The following VPS53 variants were observed in gnomAD, a reference collection of about 807,000 sequenced individuals.
The protein encoded by VPS53 is VPS53 subunit of GARP complex.
In VPS53, 70 loss-of-function variants were observed where a neutral mutation model predicts 107.0. The ratio of observed to expected loss-of-function variants is 0.65; its 90% CI spans 0.54 to 0.80. The LOEUF (loss-of-function observed/expected upper bound fraction) is 0.80. Ranked by LOEUF, VPS53 falls within the 30% of genes least tolerant of loss-of-function variation. The pLI is 0.00. For synonymous variants in VPS53, 409 were observed against 393.3 expected (o/e 1.04, Z -0.47); for missense variants, 917 against 1,049.4 (o/e 0.87, Z 1.74).
At chr17:709,217 G>C (rs1316353008) in intron 2 of VPS53, among the ~76,000 whole-genome samples, 4 of 125,698 alleles carry the variant, frequency 3.2e-5, no homozygotes, top group Non-Finnish European at 7.8e-5. Context: ...CTGGTATCAC[G>C]GCGCAGCACG....
At chr17:530,599 CT>C (rs1310031641) in intron 19 of VPS53, among the ~76,000 whole-genome samples, 5 of 151,744 alleles carry the variant, frequency 3.3e-5, no homozygotes, top group Non-Finnish European at 4.4e-5. Context: ...TATTTTTTGC[CT>C]TGTTGTCCTA....
rs377527856 is a variant in VPS53 at position 562,675 on chromosome 17, C to T, written c.1384G>A (p.Asp462Asn). Residue 462 changes from aspartate to asparagine, a missense_variant, in exon 14 of 22, where the codon GAT becomes AAT. Coordinates refer to ENST00000437048, the MANE Select transcript of VPS53 (RefSeq NM_001128159.3). ...KAQGPPKPNT[D>N]EGGAVLPSCA... ...CTGGGGAGCACGGCACCCCCTTCAT[C>T]AGTGTTGGGCTTAGGTGGCCCCTGG... 416 of 1,613,674 alleles carry T rather than the reference C, an allele frequency of 2.6e-4. No homozygotes were observed. The highest frequency in any genetic ancestry group is 3.3e-4 in the Non-Finnish European group (392 of 1,179,964).
At chr17:604,556 A>T (rs1385275298) in intron 11 of VPS53, among the ~76,000 whole-genome samples, 1 of 152,186 alleles carries the variant, frequency 6.6e-6, no homozygotes, top group African/African-American at 2.4e-5. Context: ...GCATGGGCCA[A>T]CCTCAGCCTC....
At position 652,352 on chromosome 17, in the gene VPS53, T is replaced by C. The variant is rs1970986816; in HGVS notation, c.608+939A>G. 2.0e-5 allele frequency among the ~76,000 whole-genome samples: 3 copies of C among 152,178 alleles called. 1 individual carries two copies. In the South Asian group the frequency reaches 6.2e-4, roughly 32 times the overall value. ...GCAATCTATCCCATCCCACATGCTT[T>C]TTGTAACAATGTGACTTTGACATTC... is the stretch of plus-strand genomic sequence containing the variant. On this transcript the variant is annotated intron_variant, in intron 7 of 21. Coordinates refer to ENST00000437048, the MANE Select transcript of VPS53 (RefSeq NM_001128159.3).
chr17:689,993 A>G (rs1972723774), intron 4 of VPS53, among the ~76,000 whole-genome samples: 1 of 152,142 alleles, frequency 6.6e-6, no homozygotes, highest in African/African-American at 2.4e-5. Flanking sequence ...ACACACACAG[A>G]CAGGTAGAAA....
intron 13 of VPS53, among the ~76,000 whole-genome samples, chr17:578,733 C>G (rs1273056712): frequency 6.6e-6 from 1 of 151,762 alleles, no homozygotes; most frequent in Non-Finnish European, 1.5e-5. Flanking sequence ...TACCAGAGAA[C>G]CTCCCTCAGA....
chr17:627,553 A>C (rs576191692), intron 9 of VPS53, among the ~76,000 whole-genome samples: 1 of 152,312 alleles, frequency 6.6e-6, no homozygotes, highest in African/African-American at 2.4e-5. Flanking sequence ...CGAGGTCAGC[A>C]GATCACCTGA....
chr17:628,326 C>CCG, intron 8 of VPS53, 95 bp from the exon 9 acceptor site: 1 of 1,430,712 alleles, frequency 7.0e-7, no homozygotes, highest in Admixed American at 2.2e-5. Flanking sequence ...TACGCATTGT[C>CCG]AGTCTTACTC....
At chr17:525,144 G>GA in intron 19 of VPS53, among the ~76,000 whole-genome samples, 6 of 152,274 alleles carry the variant, frequency 3.9e-5, no homozygotes, top group Admixed American at 3.9e-4. Context: ...ATAAATCTCA[G>GA]AAAATAGTAA....
chr17:590,924 T>C (rs923611554), intron 12 of VPS53, among the ~76,000 whole-genome samples: 2 of 152,082 alleles, frequency 1.3e-5, no homozygotes, highest in Non-Finnish European at 2.9e-5. Flanking sequence ...CCTCTTTTTC[T>C]ATTGATTGGA....
At chr17:663,232 C>A (rs993738952) in intron 4 of VPS53, among the ~76,000 whole-genome samples, 1 of 152,072 alleles carries the variant, frequency 6.6e-6, no homozygotes, top group Non-Finnish European at 1.5e-5. Context: ...AATGGTGAGC[C>A]CAGCATTTCC....
chr17:554,796 G>C (rs778102180), intron 15 of VPS53, among the ~76,000 whole-genome samples: 1 of 152,128 alleles, frequency 6.6e-6, no homozygotes, highest in African/African-American at 2.4e-5. Flanking sequence ...TTTTTGGAAG[G>C]CAATTTATTC....
At position 643,204 on chromosome 17, in the gene VPS53, G is replaced by GAAAT. The variant is rs1452341316; in HGVS notation, c.608+10086_608+10087insATTT. Among the ~76,000 whole-genome samples the GAAAT allele has an allele frequency of 8.7e-3, 424 of 48,678 alleles. 59 individuals are homozygous for GAAAT. Among genetic ancestry groups the GAAAT allele is most frequent in the African/African-American group, 0.014 (165 of 12,202 alleles). The allele number at this position is 48,678 out of a possible 152,430, so 31.9% of individuals were successfully genotyped here. ...AAAGCGAGGACAACACTCATACTTGGCAACTGAGGACAACACTCATACTTG... is the reference window on the plus strand; with the variant it reads ...AAAGCGAGGACAACACTCATACTTGGAAATCAACTGAGGACAACACTCATACTTG... On this transcript the variant is annotated intron_variant, in intron 7 of 21. Coordinates refer to ENST00000437048, the MANE Select transcript of VPS53 (RefSeq NM_001128159.3).
chr17:508,941 A>C lies in VPS53; in HGVS notation c.*10187T>G, dbSNP rs1907758094. ...AACTCATAAAATGTATTCATAAAAT[A>C]CTTTTATCTATTTTGTATAGAGGGA... On this transcript the variant is annotated 3_prime_UTR_variant, in exon 22 of 22. Transcript: ENST00000437048. The C allele has an allele frequency of 6.6e-6, 1 of 152,216 alleles. No homozygotes were observed. The highest frequency in any genetic ancestry group is 6.5e-5 in the Admixed American group (1 of 15,282). The allele number at this position is 152,216 out of a possible 1,614,324, so 9.4% of individuals were successfully genotyped here.
At chr17:702,596 G>A (rs557794294) in intron 2 of VPS53, among the ~76,000 whole-genome samples, 1 of 152,238 alleles carries the variant, frequency 6.6e-6, no homozygotes, top group East Asian at 1.9e-4. Context: ...AACCCAGGAA[G>A]CAGAGGTTGC....
At chr17:683,736 G>A (rs1250914280) in intron 4 of VPS53, among the ~76,000 whole-genome samples, 2 of 152,156 alleles carry the variant, frequency 1.3e-5, no homozygotes, top group African/African-American at 2.4e-5. Context: ...GGTGGCACAC[G>A]CCAATAGCCT....
At chr17:646,988 C>A (rs1048668212) in intron 7 of VPS53, among the ~76,000 whole-genome samples, 1 of 152,156 alleles carries the variant, frequency 6.6e-6, no homozygotes, top group Non-Finnish European at 1.5e-5. Flanking sequence ...TGAGATCATG[C>A]CCCCCGCACT....
At chr17:605,125 G>A (rs1280309859) in intron 11 of VPS53, among the ~76,000 whole-genome samples, 3 of 152,008 alleles carry the variant, frequency 2.0e-5, no homozygotes, top group Non-Finnish European at 4.4e-5. Flanking sequence ...GGAGGGCGGA[G>A]GGAACAGCAC....
intron 4 of VPS53, among the ~76,000 whole-genome samples, chr17:668,556 A>G (rs534333257): frequency 6.6e-6 from 1 of 152,304 alleles, no homozygotes; most frequent in Middle Eastern, 3.4e-3. Context: ...AAAAGTTTCA[A>G]TCGTGGAGTA....
Sources: allele counts gnomAD v4.1 joint callset (sites outside exome capture counted in the v4.1 genomes callset), GRCh38; gene constraint gnomAD v4.1.1; transcripts MANE v1.5; gene names NCBI Gene and HGNC (gene_info 2026-07-23, HGNC 2026-07-21).